The following RAB31 variants were observed in gnomAD, a reference collection of about 807,000 sequenced individuals.
The protein encoded by RAB31 is RAB31, member RAS oncogene family.
Under a neutral mutation model 25.6 loss-of-function variants are expected in RAB31, and 21 were observed. The ratio of observed to expected loss-of-function variants is 0.82; its 90% CI spans 0.58 to 1.18. RAB31 has a LOEUF of 1.18. Ranked by LOEUF, RAB31 falls within the 50% of genes most tolerant of loss-of-function variation. The pLI is 0.00. For missense variants in RAB31, 196 were observed against 250.1 expected (o/e 0.78, Z 1.46); for synonymous variants, 87 against 84.0 (o/e 1.04, Z -0.20).
chr18:9,803,288 TGCA>T (rs2068523350), intron 3 of RAB31, among the ~76,000 whole-genome samples: 1 of 151,202 alleles, frequency 6.6e-6, no homozygotes, highest in Admixed American at 6.6e-5. Flanking sequence ...CAGGCTGGAA[TGCA>T]GTGGTGCAAT....
chr18:9,750,749 G>C (rs2068230731), intron 1 of RAB31, among the ~76,000 whole-genome samples: 1 of 152,330 alleles, frequency 6.6e-6, no homozygotes, highest in Admixed American at 6.5e-5. Context: ...CTCTGAAGTT[G>C]TCCAAACCAC....
At chr18:9,714,770 G>T (rs1268716718) in intron 1 of RAB31, among the ~76,000 whole-genome samples, 2 of 152,228 alleles carry the variant, frequency 1.3e-5, no homozygotes, top group Non-Finnish European at 2.9e-5. Flanking sequence ...ATGTAGACAG[G>T]ATGGCAGTGA....
At position 9,861,697 on chromosome 18, in the gene RAB31, T is replaced by G. The variant is rs964938119; in HGVS notation, c.*2372T>G. ...TGTTGCTAAAAAAAGTCATGTAGTT[T>G]CATGTAGTGTAGCATCCTTGGCATC... is the stretch of plus-strand genomic sequence containing the variant. On this transcript the variant is annotated 3_prime_UTR_variant, in exon 7 of 7. Transcript: ENST00000578921. 1.3e-5 allele frequency: 2 copies of G among 152,238 alleles called. No homozygotes were observed. Among genetic ancestry groups the G allele is most frequent in the African/African-American group, 4.8e-5 (2 of 41,450 alleles). 9.4% of individuals were successfully genotyped at this position (152,238 alleles called of 1,614,324 possible). A position where few individuals can be genotyped will look rare whatever the true frequency, so the allele number is the denominator to read the frequency against.
Position 9,862,125 on chromosome 18 carries a change from A to G in RAB31, c.*2800A>G, listed in dbSNP as rs1484928648. 6.6e-6 allele frequency: 1 copy of G among 152,546 alleles called. No individual in the cohort carries two copies. The highest frequency in any genetic ancestry group is 1.9e-4 in the East Asian group (1 of 5,200). 9.4% of individuals were successfully genotyped at this position (152,546 alleles called of 1,614,324 possible). On this transcript the variant is annotated 3_prime_UTR_variant, in exon 7 of 7. Coordinates refer to ENST00000578921, the MANE Select transcript of RAB31 (RefSeq NM_006868.4). ...TGGATGACTGAAATATTTCCTCTAC[A>G]GTCAAGGACTTTGGCATGTGGTGGC...
chr18:9,783,985 C>T (rs1273954979), intron 2 of RAB31, among the ~76,000 whole-genome samples: 2 of 152,170 alleles, frequency 1.3e-5, no homozygotes, highest in Admixed American at 6.5e-5. Flanking sequence ...GCACATGTAG[C>T]AAAAGTGGAG....
intron 1 of RAB31, among the ~76,000 whole-genome samples, chr18:9,762,459 C>T (rs1293822344): frequency 6.6e-6 from 1 of 152,176 alleles, no homozygotes; most frequent in African/African-American, 2.4e-5. Context: ...TCATCAGTGA[C>T]CCATCTTGCC....
intron 1 of RAB31, among the ~76,000 whole-genome samples, chr18:9,761,325 T>C (rs764153222): frequency 1.3e-5 from 2 of 152,200 alleles, no homozygotes; most frequent in Non-Finnish European, 2.9e-5. Context: ...CTTAATGTCC[T>C]GATTTGCAAA....
intron 5 of RAB31, among the ~76,000 whole-genome samples, chr18:9,840,091 T>C (rs996146379): frequency 1.2e-4 from 18 of 152,140 alleles, no homozygotes; most frequent in African/African-American, 4.3e-4. Flanking sequence ...CCCTGAGTAA[T>C]GCTGACATTG....
chr18:9,732,856 A>G (rs1361515148), intron 1 of RAB31, among the ~76,000 whole-genome samples: 1 of 152,170 alleles, frequency 6.6e-6, no homozygotes, highest in East Asian at 1.9e-4. Flanking sequence ...GTGAGTTTTC[A>G]TCGTCTGTGC....
intron 6 of RAB31, among the ~76,000 whole-genome samples, chr18:9,850,480 T>C (rs2068783741): frequency 6.6e-6 from 1 of 152,128 alleles, no homozygotes; most frequent in South Asian, 2.1e-4. Context: ...ATTTTAACTT[T>C]TCCTGAGGGC....
intron 3 of RAB31, among the ~76,000 whole-genome samples, chr18:9,811,390 C>CT (rs1599049041): frequency 6.6e-6 from 1 of 152,302 alleles, no homozygotes; most frequent in East Asian, 1.9e-4. Context: ...ACAGGGAAAC[C>CT]TGGGGACTCA....
chr18:9,835,624 T>C (rs1021692956), intron 5 of RAB31, among the ~76,000 whole-genome samples: 17 of 152,330 alleles, frequency 1.1e-4, no homozygotes, highest in African/African-American at 4.1e-4. Flanking sequence ...CAGAAATTCT[T>C]TGCTGGTACA....
At chr18:9,821,075 G>A (rs2068622530) in intron 5 of RAB31, among the ~76,000 whole-genome samples, 1 of 151,954 alleles carries the variant, frequency 6.6e-6, no homozygotes, top group South Asian at 2.1e-4. Flanking sequence ...TTGATATGTT[G>A]TTTTTAACTA....
chr18:9,762,371 G>T (rs1046724492), intron 1 of RAB31, among the ~76,000 whole-genome samples: 1 of 152,198 alleles, frequency 6.6e-6, no homozygotes, highest in Non-Finnish European at 1.5e-5. Flanking sequence ...AGTTTGGAGC[G>T]TGGTGCCTTG....
At chr18:9,853,066 A>G (rs761252341) in intron 6 of RAB31, among the ~76,000 whole-genome samples, 1 of 152,096 alleles carries the variant, frequency 6.6e-6, no homozygotes, top group East Asian at 1.9e-4. Context: ...CCATTTTGTA[A>G]TGGGTCGTTT....
chr18:9,777,571 T>C lies in RAB31; in HGVS notation c.119+2214T>C, dbSNP rs374126215. 2.0e-3 allele frequency among the ~76,000 whole-genome samples: 311 copies of C among 152,152 alleles called. 1 individual carries two copies. The highest frequency in any genetic ancestry group is 7.1e-3 in the African/African-American group (295 of 41,514). The stretch of plus-strand genomic sequence containing the variant: ...TTCACTCTGCTCTGAATGTACTTTT[T>C]TCTCTCTCTCTCTTATTTTTCACTT... On this transcript the variant is annotated intron_variant, in intron 2 of 6. Transcript: ENST00000578921.
intron 5 of RAB31, among the ~76,000 whole-genome samples, chr18:9,823,062 T>C (rs1374386205): frequency 6.6e-6 from 1 of 152,174 alleles, no homozygotes; most frequent in African/African-American, 2.4e-5. Flanking sequence ...ATCCATACCA[T>C]GGACTACTAC....
intron 3 of RAB31, among the ~76,000 whole-genome samples, chr18:9,796,208 T>C (rs1226304358): frequency 6.6e-6 from 1 of 152,100 alleles, no homozygotes; most frequent in Admixed American, 6.6e-5. Flanking sequence ...AATGATACAA[T>C]GGACTTCGGT....
At chr18:9,765,002 T>C (rs780054052) in intron 1 of RAB31, among the ~76,000 whole-genome samples, 2 of 152,076 alleles carry the variant, frequency 1.3e-5, no homozygotes, top group East Asian at 3.9e-4. Context: ...TTACCCAGGC[T>C]GGAGTGCAAT....
Sources: allele counts gnomAD v4.1 joint callset (sites outside exome capture counted in the v4.1 genomes callset), GRCh38; gene constraint gnomAD v4.1.1; transcripts MANE v1.5; gene names NCBI Gene and HGNC (gene_info 2026-07-23, HGNC 2026-07-21).